ROBO4: variants seen among roughly 807,000 people sequenced by gnomAD.
The protein encoded by ROBO4 is roundabout guidance receptor 4.
ROBO4 carries 80 observed loss-of-function variants against 103.3 expected under a neutral mutation model. The observed-to-expected ratio is 0.77, with a 90% CI of 0.65 to 0.93. The LOEUF is 0.93. Among genes scored for constraint, ROBO4 ranks in the 40% least tolerant of loss-of-function variants. ROBO4 has a pLI of 0.00. For missense variants in ROBO4, 1,333 were observed against 1,305.3 expected (o/e 1.02, Z -0.33); for synonymous variants, 504 against 529.7 (o/e 0.95, Z 0.67).
chr11:124,895,749 C>G (rs371488795), intron 5 of ROBO4, 36 bp downstream of exon 5: 2 of 1,613,548 alleles, frequency 1.2e-6, no homozygotes, highest in African/African-American at 2.7e-5. Flanking sequence ...TTCTTGAGCT[C>G]TGGATCGGCT....
At position 124,884,863 on chromosome 11, in the gene ROBO4, C is replaced by T; in HGVS notation, c.*28G>A. 6.2e-7 allele frequency: 1 copy of T among 1,614,040 alleles called. No homozygotes were observed. The highest frequency in any genetic ancestry group is 8.5e-7 in the Non-Finnish European group (1 of 1,179,908). On this transcript the variant is annotated 3_prime_UTR_variant, in exon 18 of 18. Coordinates refer to ENST00000306534, the MANE Select transcript of ROBO4 (RefSeq NM_019055.6). The stretch of plus-strand genomic sequence containing the variant: ...GTGGACAGGAGAAGTGGTTCTGATT[C>T]CCGTCTGGGAAGTCTCAGGGACACG...
chr11:124,890,853 G>A (rs374180243), intron 12 of ROBO4, among the ~76,000 whole-genome samples: 3 of 152,236 alleles, frequency 2.0e-5, no homozygotes, highest in Non-Finnish European at 4.4e-5. Context: ...AGATGAGCTC[G>A]TGGGAGCCTG....
rs530572196 is a variant in ROBO4 at position 124,895,701 on chromosome 11, G to A, written c.808-16C>T. 37 of 1,611,348 alleles carry A rather than the reference G, an allele frequency of 2.3e-5. No homozygotes were observed. Among genetic ancestry groups the A allele is most frequent in the African/African-American group, 1.5e-4 (11 of 74,974 alleles). ...GGCCACTGACCTGGGAAGGAGTTTC[G>A]AGGAAGGGCGGGGGGTCAGAGAGCT... is the stretch of plus-strand genomic sequence containing the variant. On this transcript the variant is annotated splice_polypyrimidine_tract_variant and intron_variant, in intron 5 of 17. Transcript: ENST00000306534.
intron 10 of ROBO4, 164 bp from the exon 11 acceptor site, chr11:124,891,966 C>T: frequency 1.2e-6 from 1 of 838,202 alleles, no homozygotes; most frequent in Non-Finnish European, 2.0e-6. Context: ...AGATCTCTGA[C>T]CTGGTCCCCT....
chr11:124,890,056 A>G (rs1946776821), intron 12 of ROBO4, among the ~76,000 whole-genome samples: 1 of 152,344 alleles, frequency 6.6e-6, no homozygotes, highest in South Asian at 2.1e-4. Context: ...ACCTCTTTCC[A>G]GTAGCATTAC....
chr11:124,886,401 G>T, intron 16 of ROBO4, 63 bp downstream of exon 16: 1 of 1,259,640 alleles, frequency 7.9e-7, no homozygotes, highest in Non-Finnish European at 1.1e-6. Flanking sequence ...ATGATGACAT[G>T]ATAACAGTTG....
Position 124,897,250 on chromosome 11 carries a change from G to A in ROBO4, c.82C>T (p.Gln28Ter). ...LLLLIMGGMAQDSPPQILVHP... is the reference protein window; with the variant it reads ...LLLLIMGGMA Reference sequence around the variant, plus strand: ...ACTAGGATCTGGGGCGGGGAGTCCTGAGCCATGCCTCCTGGGAGGGAAAGG... The same window carrying A: ...ACTAGGATCTGGGGCGGGGAGTCCTAAGCCATGCCTCCTGGGAGGGAAAGG... The change falls in exon 2 of 18, where the codon CAG becomes TAG. Residue 28 changes from glutamine (Q) to a stop codon, truncating the protein, a stop_gained. Coordinates refer to ENST00000306534, the MANE Select transcript of ROBO4 (RefSeq NM_019055.6). LOFTEE classifies it high-confidence loss of function. 6.9e-7 allele frequency: 1 copy of A among 1,446,552 alleles called. No individual in the cohort carries two copies. The allele number at this position is 1,446,552 out of a possible 1,614,324, so 89.6% of individuals were successfully genotyped here. A position where few individuals can be genotyped will look rare whatever the true frequency, so the allele number is the denominator to read the frequency against.
intron 7 of ROBO4, 138 bp from the exon 8 acceptor site, chr11:124,894,507 C>T: frequency 1.3e-6 from 1 of 759,522 alleles, no homozygotes; most frequent in Admixed American, 2.9e-5. Context: ...TTCCTATTCC[C>T]CTCCTATTCT....
At chr11:124,888,559 C>G (rs980930601) in intron 12 of ROBO4, among the ~76,000 whole-genome samples, 1 of 152,212 alleles carries the variant, frequency 6.6e-6, no homozygotes, top group Non-Finnish European at 1.5e-5. Context: ...AATGCCCTGC[C>G]CATACTTTTT....
Position 124,885,096 on chromosome 11 carries a change from G to A in ROBO4, c.2946C>T (p.Asp982=), listed in dbSNP as rs1946689233. The A allele has an allele frequency of 5.6e-6, 9 of 1,614,080 alleles. No individual in the cohort carries two copies. Among genetic ancestry groups the A allele is most frequent in the Non-Finnish European group, 7.6e-6 (9 of 1,180,058 alleles). ...LGRGMPPWPP[D]SQISSQRSQL... is the part of the protein sequence containing the mutation. The stretch of plus-strand genomic sequence containing the variant: ...GACTTCTCTGGGAAGAGATCTGAGA[G>A]TCAGGGGGCCAGGGAGGCATCCCCC... Residue 982 remains aspartate (D), a synonymous_variant, in exon 17 of 18, where the codon GAC becomes GAT. Coordinates refer to ENST00000306534, the MANE Select transcript of ROBO4 (RefSeq NM_019055.6).
rs759126966 is a variant in ROBO4 at position 124,887,181 on chromosome 11, A to G, written c.2231T>C (p.Ile744Thr). The G allele has an allele frequency of 6.2e-7, 1 of 1,601,690 alleles. No individual in the cohort carries two copies. The highest frequency in any genetic ancestry group is 2.2e-5 in the East Asian group (1 of 44,674). ...PPVAPQAPSS[I>T]LLPAAPIPIL... ...GGGGATGGGGGCTGCTGGCAGCAGG[A>G]TGGAGGAGGGAGCCTGTGGTGCCAC... Residue 744 changes from isoleucine (I) to threonine (T), a missense_variant, in exon 15 of 18, where the codon ATC (isoleucine) becomes ACC (threonine). Transcript: ENST00000306534.
Position 124,892,097 on chromosome 11 carries a change from G to T in ROBO4, c.1548-295C>A. 3 of 606,788 alleles carry T rather than the reference G, an allele frequency of 4.9e-6. No individual in the cohort carries two copies. The Admixed American group carries it at 6.4e-5, about 13-fold the overall frequency. 37.6% of individuals were successfully genotyped at this position (606,788 alleles called of 1,614,324 possible). A position where few individuals can be genotyped will look rare whatever the true frequency, so the allele number is the denominator to read the frequency against. ...AAAAAGAAGACCTGAAGACAAATCT[G>T]GTTTGACAATCTCTATCTGTCACAG... On this transcript the variant is annotated intron_variant, in intron 10 of 17. Transcript: ENST00000306534.
At position 124,896,301 on chromosome 11, in the gene ROBO4, C is replaced by T. The variant is rs755308993; in HGVS notation, c.576G>A (p.Leu192=). 21 of 1,613,994 alleles carry T rather than the reference C, an allele frequency of 1.3e-5. 1 individual carries two copies. In the South Asian group the frequency reaches 2.2e-4, roughly 17 times the overall value. Residue 192 remains leucine, a synonymous_variant, in exon 4 of 18, where the codon CTG becomes CTA. Transcript: ENST00000306534. The part of the protein sequence containing the change: ...PGRHTVSGGS[L]LMARAEKSDE... ...CACTCTTCTCTGCTCTTGCCATCAG[C>T]AGGGACCCCCCGGACACCTGTCAGG... is the stretch of plus-strand genomic sequence containing the variant.
chr11:124,893,616 A>T (rs1946832150), intron 10 of ROBO4, 72 bp downstream of exon 10: 2 of 1,403,602 alleles, frequency 1.4e-6, no homozygotes, highest in Non-Finnish European at 2.0e-6. Context: ...CTAGTACTCC[A>T]TTCTTCTCTG....
intron 3 of ROBO4, 95 bp downstream of exon 3, chr11:124,896,418 C>T (rs528246683): frequency 1.0e-4 from 159 of 1,589,982 alleles, no homozygotes; most frequent in Non-Finnish European, 1.2e-4. Flanking sequence ...CAAATTCTAC[C>T]GGAGGATGCG....
chr11:124,886,699 C>A lies in ROBO4; in HGVS notation c.2559G>T (p.Gly853=). 6.2e-7 allele frequency: 1 copy of A among 1,609,142 alleles called. No homozygotes were observed. Residue 853 remains glycine (G), a synonymous_variant, in exon 16 of 18, where the codon GGG becomes GGT. Transcript: ENST00000306534. ...GCCGAGGTGGGCACAGCAAGACTCC[C>A]CCCTTGGGCCCCACCCCTCCTCCAG... The part of the protein sequence containing the change: ...GRTGGGVGPK[G]GVLLCPPRPC...
rs371435267 is a variant in ROBO4, at chr11:124,887,006, C to A, written c.2406G>T (p.Leu802Phe). The A allele has an allele frequency of 5.0e-6, 8 of 1,613,282 alleles. No individual in the cohort carries two copies. Among genetic ancestry groups the A allele is most frequent in the Middle Eastern group, 1.7e-4 (1 of 6,058 alleles). The change falls in exon 15 of 18, where the codon TTG (leucine) becomes TTT (phenylalanine). Residue 802 changes from leucine (L) to phenylalanine (F), a missense_variant. Leu to Phe is a conservative substitution (Grantham distance 22). Transcript: ENST00000306534. ...VLTPEEVALC[L>F]ELSEGEETPR... The stretch of plus-strand genomic sequence containing the variant: ...GAGTCTCCTCACCCTCACTGAGTTC[C>A]AAGCACAGGGCTACCTCCTCAGGGG...
chr11:124,892,850 G>C (rs1343950599), intron 10 of ROBO4: 1 of 152,598 alleles, frequency 6.6e-6, no homozygotes, highest in Non-Finnish European at 1.5e-5. Flanking sequence ...ACAAAGCCAG[G>C]AGGTAGCTGG....
chr11:124,896,942 C>G lies in ROBO4; in HGVS notation c.390G>C (p.Leu130=). 1 of 1,612,548 alleles carries G rather than the reference C, an allele frequency of 6.2e-7. No homozygotes were observed. Among genetic ancestry groups the G allele is most frequent in the Non-Finnish European group, 8.5e-7 (1 of 1,179,892 alleles). Residue 130 remains leucine, a synonymous_variant, in exon 2 of 18, where the codon CTG becomes CTC. Transcript: ENST00000306534. ...LGTAVSRGAR[L]SVAVLREDFQ... is the part of the protein sequence containing the mutation. ...CCTCCCAGGCCTCACCAGCCACAGA[C>G]AGCCGAGCGCCTCTGCTGACTGCCG...
Sources: gnomAD v4.1 joint callset for allele counts (sites outside exome capture counted in the v4.1 genomes callset) on GRCh38, gnomAD v4.1.1 for gene constraint, MANE v1.5 for transcripts, NCBI Gene and HGNC (gene_info 2026-07-23, HGNC 2026-07-21) for gene names.